DIAPH1: variants seen among roughly 807,000 people sequenced by gnomAD.
The protein encoded by DIAPH1 is protein diaphanous homolog 1.
A neutral mutation model predicts 140.7 loss-of-function variants in DIAPH1; 46 were observed. The ratio of observed to expected loss-of-function variants is 0.33; its 90% confidence interval spans 0.26 to 0.42. DIAPH1 has a LOEUF of 0.42. Among genes scored for constraint, DIAPH1 ranks in the 10% least tolerant of loss-of-function variants. The pLI, the probability that DIAPH1 is intolerant of heterozygous loss-of-function variation, is 1.00. For missense variants in DIAPH1, 1,310 were observed against 1,558.7 expected (o/e 0.84, Z 2.69); for synonymous variants, 565 against 551.6 (o/e 1.02, Z -0.34).
In DIAPH1 at chr5:141,554,035, T is replaced by C. The variant is rs913021591; in HGVS notation, c.2482+17393A>G. Among the ~76,000 whole-genome samples the C allele has an allele frequency of 5.6e-4, 86 of 152,252 alleles. 1 individual carries two copies. Among genetic ancestry groups the C allele is most frequent in the African/African-American group, 1.6e-3 (65 of 41,542 alleles). ...GGCTCATGCCTGTAATCCCAGTACTTTGGGAGGCTGAGGCGGGCAGATCAC... is the reference window on the plus strand; with the variant it reads ...GGCTCATGCCTGTAATCCCAGTACTCTGGGAGGCTGAGGCGGGCAGATCAC... On this transcript the variant is annotated intron_variant, in intron 18 of 27. Transcript: ENST00000389054.
chr5:141,613,915 G>A (rs774671437), intron 1 of DIAPH1, among the ~76,000 whole-genome samples: 2 of 152,128 alleles, frequency 1.3e-5, no homozygotes, highest in African/African-American at 2.4e-5. Flanking sequence ...GCTATTCATA[G>A]CGCTCAAATC....
chr5:141,550,320 G>A (rs1346857055), intron 18 of DIAPH1, among the ~76,000 whole-genome samples: 10 of 152,118 alleles, frequency 6.6e-5, no homozygotes, highest in Non-Finnish European at 1.5e-4. Flanking sequence ...AATAAAAACT[G>A]AGGAACTATA....
At chr5:141,596,096 G>C (rs1452845262) in intron 1 of DIAPH1, among the ~76,000 whole-genome samples, 1 of 152,216 alleles carries the variant, frequency 6.6e-6, no homozygotes, top group Non-Finnish European at 1.5e-5. Flanking sequence ...TTGGGAGGCT[G>C]AGGCAGGTGG....
At chr5:141,553,501 C>T (rs1312140602) in intron 18 of DIAPH1, among the ~76,000 whole-genome samples, 1 of 151,422 alleles carries the variant, frequency 6.6e-6, no homozygotes. Flanking sequence ...ATTAGCCAGG[C>T]GTGGTGGTGG....
At chr5:141,590,531 A>G (rs1483677329) in intron 1 of DIAPH1, among the ~76,000 whole-genome samples, 1 of 152,148 alleles carries the variant, frequency 6.6e-6, no homozygotes, top group African/African-American at 2.4e-5. Flanking sequence ...CACAAAAGGG[A>G]TGAGTGCATA....
intron 27 of DIAPH1, among the ~76,000 whole-genome samples, chr5:141,518,453 G>A (rs2099886037): frequency 6.6e-6 from 1 of 151,794 alleles, no homozygotes; most frequent in Non-Finnish European, 1.5e-5. Flanking sequence ...GCAGCTGCAT[G>A]ACTGGAATGA....
intron 1 of DIAPH1, among the ~76,000 whole-genome samples, chr5:141,591,706 A>ATT (rs1418515199): frequency 2.6e-5 from 2 of 77,208 alleles, no homozygotes; most frequent in Admixed American, 1.7e-4. Flanking sequence ...ATATATATAT[A>ATT]TATATATATA....
In DIAPH1 at chr5:141,573,990, A is replaced by AGGAGGT. The variant is rs773918503; in HGVS notation, c.1854_1859dup (p.Pro619_Pro620dup). The AGGAGGT allele has an allele frequency of 1.7e-5, 26 of 1,540,480 alleles. No homozygotes were observed. In the African/African-American group the frequency reaches 2.0e-4, roughly 12 times the overall value. On this transcript the variant is annotated inframe_insertion, in exon 16 of 28. Transcript: ENST00000389054. ...AGGAGATGCAAACACCCCCAGGCAA[A>AGGAGGT]GGAGGTGGAGGAGGAGGAGGAGGAG...
chr5:141,538,881 T>TCATA (rs2099889506), intron 18 of DIAPH1, among the ~76,000 whole-genome samples: 1 of 152,208 alleles, frequency 6.6e-6, no homozygotes, highest in African/African-American at 2.4e-5. Flanking sequence ...AGTTTTTCAT[T>TCATA]AAAGATTTTT....
intron 19 of DIAPH1, among the ~76,000 whole-genome samples, chr5:141,533,553 T>C (rs1243419507): frequency 6.6e-6 from 1 of 152,168 alleles, no homozygotes; most frequent in Non-Finnish European, 1.5e-5. Context: ...CCTTTACTTA[T>C]CAGAAAGTGA....
intron 27 of DIAPH1, chr5:141,519,112 AT>A: frequency 1.0e-6 from 1 of 956,594 alleles, no homozygotes; most frequent in Non-Finnish European, 1.6e-6. Flanking sequence ...CATTTATTGG[AT>A]TATGAACATA....
At chr5:141,587,015 G>C (rs759430294) in intron 3 of DIAPH1, 27 bp downstream of exon 3, 1 of 1,613,678 alleles carries the variant, frequency 6.2e-7, no homozygotes, top group South Asian at 1.1e-5. Flanking sequence ...ACAGGAAGAA[G>C]CAACATTTTG....
intron 18 of DIAPH1, chr5:141,560,849 G>T: frequency 2.2e-6 from 1 of 456,146 alleles, no homozygotes; most frequent in South Asian, 1.5e-5. Context: ...GCCTGAGCCT[G>T]CAGAGACAGC....
intron 16 of DIAPH1, 92 bp from the exon 17 acceptor site, chr5:141,572,132 G>T: frequency 1.1e-6 from 1 of 874,610 alleles, no homozygotes; most frequent in Non-Finnish European, 1.9e-6. Flanking sequence ...TAGGTGGCTG[G>T]CTGATTATCA....
intron 1 of DIAPH1, among the ~76,000 whole-genome samples, chr5:141,607,942 C>T (rs2099901218): frequency 6.6e-6 from 1 of 152,142 alleles, no homozygotes; most frequent in Admixed American, 6.5e-5. Context: ...TTCATAATAA[C>T]CCCCTAATTT....
Position 141,525,660 on chromosome 5 carries a change from T to C in DIAPH1, c.3574+378A>G, listed in dbSNP as rs528324468. Among the ~76,000 whole-genome samples the C allele has an allele frequency of 7.6e-4, 115 of 152,094 alleles. 1 individual carries two copies. Among genetic ancestry groups the C allele is most frequent in the African/African-American group, 2.5e-3 (105 of 41,466 alleles). ...GGGAAGACACGCCACAATTAAAAGA[T>C]GGGAGGAGCGTCAGGAAAATATTTT... On this transcript the variant is annotated intron_variant, in intron 26 of 27. Coordinates refer to ENST00000389054, the MANE Select transcript of DIAPH1 (RefSeq NM_005219.5).
At chr5:141,610,480 T>C (rs538830811) in intron 1 of DIAPH1, among the ~76,000 whole-genome samples, 2 of 152,258 alleles carry the variant, frequency 1.3e-5, no homozygotes, top group South Asian at 4.1e-4. Flanking sequence ...TTTGTATTTT[T>C]AGTAGAGACG....
Position 141,572,003 on chromosome 5 carries a change from G to A in DIAPH1, c.2396C>T (p.Thr799Ile). The A allele has an allele frequency of 1.2e-6, 2 of 1,614,166 alleles. No homozygotes were observed. The highest frequency in any genetic ancestry group is 1.7e-6 in the Non-Finnish European group (2 of 1,180,000). Residue 799 changes from threonine to isoleucine, a missense_variant, in exon 17 of 28, where the codon ACA becomes ATA. Thr to Ile is a moderately conservative substitution (Grantham distance 89). Around this residue, in one of 3 missense-constraint regions of DIAPH1, gnomAD observed 589 missense variants for 549.3 expected, o/e 1.07. Coordinates refer to ENST00000389054, the MANE Select transcript of DIAPH1 (RefSeq NM_005219.5). ...CTCAAAGCGGTCCTCCTTCACCTTT[G>A]TCCAGAAGCAGTCCTGGGAGAGGTC... ...AEDLSQDCFW[T>I]KVKEDRFENN...
intron 18 of DIAPH1, among the ~76,000 whole-genome samples, chr5:141,552,067 G>A (rs1018153983): frequency 1.3e-5 from 2 of 152,060 alleles, no homozygotes; most frequent in Non-Finnish European, 2.9e-5. Flanking sequence ...CCACAATCTG[G>A]GAATATTGAA....
Sources: gnomAD v4.1 joint callset for allele counts (sites outside exome capture counted in the v4.1 genomes callset) on GRCh38, gnomAD v4.1.1 for gene constraint, gnomAD v4.1.1 regional missense constraint, MANE v1.5 for transcripts, NCBI Gene and HGNC (gene_info 2026-07-23, HGNC 2026-07-21) for gene names.